Variants in RP1 observed in about 807,000 individuals in gnomAD.
The protein encoded by RP1 is RP1 axonemal microtubule associated, also known as oxygen-regulated protein 1.
In RP1, 16 loss-of-function variants were observed where a neutral mutation model predicts 14.8. That is an observed-to-expected ratio of 1.08 (90% CI 0.73 to 1.65). The LOEUF is 1.65. Among genes scored for constraint, RP1 ranks in the 40% most tolerant of loss-of-function variants. The probability of loss-of-function intolerance (pLI) is 0.00; values close to 1 mark genes in which losing one functional copy is unlikely to be tolerated. For synonymous variants in RP1, 876 were observed against 883.6 expected (o/e 0.99, Z 0.15); for missense variants, 2,631 against 2,535.0 (o/e 1.04, Z -0.81).
chr8:54,648,875 GA>G (rs1806601285), intron 3 of RP1: 2 of 623,556 alleles, frequency 3.2e-6, no homozygotes, highest in Non-Finnish European at 4.9e-6. Flanking sequence ...AGGAGATGAA[GA>G]ATAAGTTTTG....
intron 18 of RP1, among the ~76,000 whole-genome samples, chr8:54,735,004 C>G (rs1000956243): frequency 6.6e-6 from 1 of 152,030 alleles, no homozygotes; most frequent in Non-Finnish European, 1.5e-5. Flanking sequence ...TTGAAACTGG[C>G]CCTATAAACT....
chr8:54,670,551 A>ATACACATATATATG (rs1807139936), intron 7 of RP1, among the ~76,000 whole-genome samples: 1 of 113,410 alleles, frequency 8.8e-6, no homozygotes, highest in African/African-American at 3.2e-5. Flanking sequence ...ATGTATGTAT[A>ATACACATATATATG]TGTATATATA....
chr8:54,739,095 T>A, intron 19 of RP1: 1 of 1,180,830 alleles, frequency 8.5e-7, no homozygotes, highest in Non-Finnish European at 1.2e-6. Flanking sequence ...GCTGGCTATG[T>A]AAAGCAGTGA....
chr8:54,718,292 CTGA>C (rs1231493132), intron 15 of RP1, among the ~76,000 whole-genome samples: 1 of 152,126 alleles, frequency 6.6e-6, no homozygotes, highest in Admixed American at 6.5e-5. Context: ...AGTTAGAATA[CTGA>C]AACTACCTAC....
chr8:54,681,558 G>A, intron 12 of RP1, among the ~76,000 whole-genome samples: 1 of 149,878 alleles, frequency 6.7e-6, no homozygotes, highest in East Asian at 2.0e-4. Flanking sequence ...CAACTTTTAA[G>A]TTCCAGGGTA....
intron 24 of RP1, among the ~76,000 whole-genome samples, chr8:54,795,516 A>G (rs978108945): frequency 6.6e-6 from 1 of 152,106 alleles, no homozygotes; most frequent in African/African-American, 2.4e-5. Context: ...TTTTTTATTT[A>G]TTGGAGGACA....
At chr8:54,638,452 A>G (rs1462676724) in intron 3 of RP1, among the ~76,000 whole-genome samples, 1 of 151,728 alleles carries the variant, frequency 6.6e-6, no homozygotes, top group East Asian at 1.9e-4. Context: ...AAAAAAAAAA[A>G]ACATACCGTT....
At chr8:54,624,443 C>CAAAAAAAAAAAAAAAAAAAAAA (rs11332494) in intron 3 of RP1, among the ~76,000 whole-genome samples, 54 of 56,596 alleles carry the variant, frequency 9.5e-4, no homozygotes, top group Non-Finnish European at 1.1e-3. Context: ...GACTCTGTCT[C>CAAAAAAAAAAAAAAAAAAAAAA]AAAAAAAAAA....
At chr8:54,748,164 A>C (rs556742828) in intron 19 of RP1, among the ~76,000 whole-genome samples, 2 of 152,356 alleles carry the variant, frequency 1.3e-5, no homozygotes, top group South Asian at 4.1e-4. Context: ...ATTAGGTAAG[A>C]AATGCCTTAT....
intron 24 of RP1, among the ~76,000 whole-genome samples, chr8:54,822,706 G>A (rs1468948738): frequency 2.6e-5 from 4 of 152,290 alleles, no homozygotes; most frequent in Admixed American, 2.6e-4. Flanking sequence ...CCATGAGAAA[G>A]CAGGTATTAC....
At chr8:54,702,235 TA>T (rs1397343768) in intron 14 of RP1, among the ~76,000 whole-genome samples, 4 of 152,164 alleles carry the variant, frequency 2.6e-5, no homozygotes, top group African/African-American at 9.6e-5. Context: ...AGATTTTCAC[TA>T]AAAATAATTA....
intron 25 of RP1, among the ~76,000 whole-genome samples, chr8:54,847,262 TCTC>T (rs1811945935): frequency 6.6e-6 from 1 of 152,198 alleles, no homozygotes; most frequent in African/African-American, 2.4e-5. Context: ...ACAAGTGATG[TCTC>T]TTCTAAGATT....
chr8:54,692,643 C>T (rs1358629265), intron 12 of RP1, among the ~76,000 whole-genome samples: 19 of 128,664 alleles, frequency 1.5e-4, no homozygotes, highest in Admixed American at 3.1e-4. Context: ...TCATGTCCTT[C>T]GCCCACTTTT....
intron 15 of RP1, among the ~76,000 whole-genome samples, chr8:54,709,044 AC>A (rs751310939): frequency 2.6e-5 from 4 of 152,068 alleles, no homozygotes; most frequent in Non-Finnish European, 5.9e-5. Flanking sequence ...TAAGTATCTC[AC>A]CCAGAGTCCC....
At chr8:54,566,219 G>T (rs1019043593) in intron 1 of RP1, among the ~76,000 whole-genome samples, 6 of 152,158 alleles carry the variant, frequency 3.9e-5, no homozygotes, top group Admixed American at 1.3e-4. Context: ...GTGGGGCACA[G>T]TTCAACCCTT....
chr8:54,772,129 C>T (rs1483784666), downstream of RP1, among the ~76,000 whole-genome samples: 2 of 152,036 alleles, frequency 1.3e-5, no homozygotes, highest in South Asian at 2.1e-4. Context: ...GTTTTCTAAA[C>T]CTTGACACCT....
At chr8:54,616,840 G>C (rs1028253697) in intron 1 of RP1, among the ~76,000 whole-genome samples, 1 of 152,218 alleles carries the variant, frequency 6.6e-6, no homozygotes, top group African/African-American at 2.4e-5. Flanking sequence ...AAGTGAGTGA[G>C]AGAGTGAAGA....
At chr8:54,843,516 C>T (rs888374440) in intron 25 of RP1, among the ~76,000 whole-genome samples, 3 of 152,172 alleles carry the variant, frequency 2.0e-5, no homozygotes, top group Non-Finnish European at 4.4e-5. Flanking sequence ...ACTGTCTGCA[C>T]ATGTTTAACG....
chr8:54,721,128 T>G (rs1808525858), intron 16 of RP1, among the ~76,000 whole-genome samples: 1 of 152,264 alleles, frequency 6.6e-6, no homozygotes, highest in African/African-American at 2.4e-5. Flanking sequence ...ATGAGCCTGA[T>G]GTAACATGAT....
Sources: gnomAD v4.1 joint callset for allele counts (sites outside exome capture counted in the v4.1 genomes callset) on GRCh38, gnomAD v4.1.1 for gene constraint, MANE v1.5 for transcripts, NCBI Gene and HGNC (gene_info 2026-07-23, HGNC 2026-07-21) for gene names.